CWC27: variants seen among roughly 807,000 people sequenced by gnomAD.
CWC27 encodes CWC27 spliceosome associated cyclophilin, also known as spliceosome-associated protein CWC27 homolog.
In CWC27, 47 loss-of-function variants were observed where a neutral mutation model predicts 63.6. The observed-to-expected ratio is 0.74, with a 90% CI of 0.58 to 0.94. The LOEUF is 0.94. Among genes scored for constraint, CWC27 ranks in the 40% least tolerant of loss-of-function variants. The pLI is 0.00. For missense variants in CWC27, 495 were observed against 554.3 expected, an observed-to-expected ratio of 0.89 and a Z score of 1.07; for synonymous variants, 175 against 179.8, an observed-to-expected ratio of 0.97 and a Z score of 0.22.
intron 10 of CWC27, among the ~76,000 whole-genome samples, chr5:64,878,093 AACT>A (rs757729641): frequency 6.6e-6 from 1 of 151,854 alleles, no homozygotes; most frequent in Non-Finnish European, 1.5e-5. Context: ...GCCTTACTTA[AACT>A]ATTTTTCTGT....
In CWC27 at chr5:64,878,470, T is replaced by TAAAAAAAAAAAAAAAAAAAAA. The variant is rs397998002; in HGVS notation, c.939-6963_939-6943dup. Reference sequence around the variant, plus strand: ...GTCAGCACTGTCCTGGGTTACAGATTAAAAAAAAAAAAAAAAAAAAAAAAA... The same window carrying TAAAAAAAAAAAAAAAAAAAAA: ...GTCAGCACTGTCCTGGGTTACAGATTAAAAAAAAAAAAAAAAAAAAAAAAAAAAAAAAAAAAAAAAAAAAAA... On this transcript the variant is annotated intron_variant, in intron 10 of 13. Transcript: ENST00000381070. 9.7e-4 allele frequency among the ~76,000 whole-genome samples: 26 copies of TAAAAAAAAAAAAAAAAAAAAA among 26,936 alleles called. 4 individuals are homozygous for TAAAAAAAAAAAAAAAAAAAAA. The highest frequency in any genetic ancestry group is 2.8e-3 in the South Asian group (1 of 362). The allele number at this position is 26,936 out of a possible 152,430, so 17.7% of individuals were successfully genotyped here.
intron 11 of CWC27, among the ~76,000 whole-genome samples, chr5:64,924,247 AAAAT>A (rs1748059516): frequency 6.6e-6 from 1 of 152,212 alleles, no homozygotes; most frequent in Non-Finnish European, 1.5e-5. Flanking sequence ...CTTTATCTTG[AAAAT>A]AACTACCTCA....
At chr5:64,819,459 G>A (rs1357801288) in intron 10 of CWC27, among the ~76,000 whole-genome samples, 7 of 151,994 alleles carry the variant, frequency 4.6e-5, no homozygotes, top group Non-Finnish European at 1.5e-5. Context: ...ACATGTTGTA[G>A]GAGGGACCCA....
intron 12 of CWC27, among the ~76,000 whole-genome samples, chr5:64,974,856 TTAATA>T (rs1749199418): frequency 6.6e-6 from 1 of 152,220 alleles, no homozygotes; most frequent in South Asian, 2.1e-4. Context: ...TGTTTTCTTA[TTAATA>T]AGCAAATACA....
intron 13 of CWC27, among the ~76,000 whole-genome samples, chr5:64,998,570 T>A (rs1749678504): frequency 6.6e-6 from 1 of 152,158 alleles, no homozygotes; most frequent in Non-Finnish European, 1.5e-5. Context: ...GATTTCTTTT[T>A]TAACTAAGGG....
chr5:64,930,433 TA>T (rs1054298253), intron 11 of CWC27, among the ~76,000 whole-genome samples: 12 of 151,776 alleles, frequency 7.9e-5, no homozygotes, highest in African/African-American at 1.7e-4. Flanking sequence ...TTGAAACCAA[TA>T]AAAAAAATTT....
intron 11 of CWC27, among the ~76,000 whole-genome samples, chr5:64,942,694 AG>A (rs1748509903): frequency 6.6e-6 from 1 of 152,170 alleles, no homozygotes; most frequent in Admixed American, 6.5e-5. Flanking sequence ...GTAACGAGTA[AG>A]GAAAACATTG....
intron 10 of CWC27, among the ~76,000 whole-genome samples, chr5:64,812,046 T>C (rs1045759373): frequency 6.6e-6 from 1 of 152,098 alleles, no homozygotes; most frequent in African/African-American, 2.4e-5. Flanking sequence ...ACTTAGATAA[T>C]TTTTGACTCT....
At chr5:64,972,752 ATTCC>A in intron 12 of CWC27, 1 of 440,140 alleles carries the variant, frequency 2.3e-6, no homozygotes. Flanking sequence ...TCATTCATTC[ATTCC>A]TTCCCCCTCC....
chr5:64,908,256 G>C (rs1225938515), intron 11 of CWC27, among the ~76,000 whole-genome samples: 1 of 152,162 alleles, frequency 6.6e-6, no homozygotes, highest in Non-Finnish European at 1.5e-5. Context: ...GAGACAGTTT[G>C]TTGTGATTTC....
chr5:64,903,387 G>A (rs1176221721), intron 11 of CWC27, among the ~76,000 whole-genome samples: 1 of 152,134 alleles, frequency 6.6e-6, no homozygotes, highest in Non-Finnish European at 1.5e-5. Context: ...GGACATGGAT[G>A]AAGCTGGAAA....
At chr5:64,958,719 A>G (rs938036166) in intron 11 of CWC27, among the ~76,000 whole-genome samples, 1 of 152,146 alleles carries the variant, frequency 6.6e-6, no homozygotes, top group East Asian at 1.9e-4. Flanking sequence ...ACATTTCTCA[A>G]ATTCTCTAAT....
At chr5:64,876,121 A>G (rs1746787524) in intron 10 of CWC27, among the ~76,000 whole-genome samples, 1 of 152,124 alleles carries the variant, frequency 6.6e-6, no homozygotes, top group East Asian at 1.9e-4. Context: ...TTTGCATGAT[A>G]TAAGTATACA....
chr5:65,012,491 G>A (rs1019941494), intron 13 of CWC27, among the ~76,000 whole-genome samples: 2 of 152,238 alleles, frequency 1.3e-5, no homozygotes, highest in East Asian at 1.9e-4. Flanking sequence ...TTACCACATC[G>A]TGGTGTCTGT....
rs186254102 is a variant in CWC27, at chr5:64,859,528, C to T, written c.939-25915C>T. ...AAGAAGAAACACTTCTAAATTCAAT[C>T]TGTAAGGCAAGTATTACCCTGATAC... On this transcript the variant is annotated intron_variant, in intron 10 of 13. Coordinates refer to ENST00000381070, the MANE Select transcript of CWC27 (RefSeq NM_005869.4). 8.1e-4 allele frequency among the ~76,000 whole-genome samples: 124 copies of T among 152,242 alleles called. No individual in the cohort carries two copies. In the Middle Eastern group the frequency reaches 0.01, roughly 13 times the overall value.
rs560904683 is a variant in CWC27, at chr5:65,005,195, A to C, written c.1257-12964A>C. On this transcript the variant is annotated intron_variant, in intron 13 of 13. Coordinates refer to ENST00000381070, the MANE Select transcript of CWC27 (RefSeq NM_005869.4). ...CCTAGCTGGCATGCACCAGCACCAGAAGCAGCAGGAGTGGCAAAATGGTAC... is the reference window on the plus strand; with the variant it reads ...CCTAGCTGGCATGCACCAGCACCAGCAGCAGCAGGAGTGGCAAAATGGTAC... Among the ~76,000 whole-genome samples the C allele has an allele frequency of 1.2e-3, 187 of 149,834 alleles. 1 individual carries two copies. Among genetic ancestry groups the C allele is most frequent in the African/African-American group, 4.4e-3 (178 of 40,746 alleles).
chr5:64,981,490 G>T (rs1478971712), intron 13 of CWC27, among the ~76,000 whole-genome samples: 1 of 152,078 alleles, frequency 6.6e-6, no homozygotes, highest in Non-Finnish European at 1.5e-5. Context: ...CATGTTGTTG[G>T]ATATTTAAAC....
intron 11 of CWC27, among the ~76,000 whole-genome samples, chr5:64,936,416 A>G (rs1284072601): frequency 1.3e-5 from 2 of 152,210 alleles, no homozygotes; most frequent in Admixed American, 6.5e-5. Context: ...TGATTCGCCT[A>G]TGTTGAACCA....
intron 10 of CWC27, among the ~76,000 whole-genome samples, chr5:64,826,094 T>TCTAG (rs1373349848): frequency 1.3e-5 from 2 of 152,000 alleles, no homozygotes; most frequent in Non-Finnish European, 1.5e-5. Context: ...TATCTATCTA[T>TCTAG]CTATCTATCT....
Sources: gnomAD v4.1 joint callset for allele counts (sites outside exome capture counted in the v4.1 genomes callset) on GRCh38, gnomAD v4.1.1 for gene constraint, MANE v1.5 for transcripts, NCBI Gene and HGNC (gene_info 2026-07-23, HGNC 2026-07-21) for gene names.